Variants in CCDC68 observed in about 807,000 individuals in gnomAD.
CCDC68 encodes the protein coiled-coil domain containing 68.
A neutral mutation model predicts 47.1 loss-of-function variants in CCDC68; 45 were observed. The ratio of observed to expected loss-of-function variants is 0.96; its 90% CI spans 0.75 to 1.23. The LOEUF is 1.23. Among genes scored for constraint, CCDC68 ranks in the 50% most tolerant of loss-of-function variants. The pLI, the probability that CCDC68 is intolerant of heterozygous loss-of-function variation, is 0.00. For missense variants in CCDC68, 353 were observed against 373.6 expected (o/e 0.94, Z 0.45); for synonymous variants, 131 against 129.5 (o/e 1.01, Z -0.08).
chr18:54,911,847 G>T lies in CCDC68; in HGVS notation c.874-3985C>A, dbSNP rs117495618. 6.6e-3 allele frequency among the ~76,000 whole-genome samples: 1,002 copies of T among 152,264 alleles called. 3 individuals carry two copies. The highest frequency in any genetic ancestry group is 0.011 in the Non-Finnish European group (727 of 68,022). On this transcript the variant is annotated intron_variant, in intron 10 of 11. Transcript: ENST00000591504. Reference sequence around the variant, plus strand: ...TACCAAACAATACAAAAGCATAGGAGTTATTATGTTAGACTCTCTTCAATT... The same window carrying T: ...TACCAAACAATACAAAAGCATAGGATTTATTATGTTAGACTCTCTTCAATT...
intron 4 of CCDC68, among the ~76,000 whole-genome samples, chr18:54,939,688 G>A (rs925772634): frequency 2.0e-5 from 3 of 152,104 alleles, no homozygotes; most frequent in South Asian, 2.1e-4. Flanking sequence ...CATTCAGTCC[G>A]CAATTTCCTT....
intron 11 of CCDC68, among the ~76,000 whole-genome samples, chr18:54,904,642 G>A (rs1014016498): frequency 5.3e-5 from 8 of 152,180 alleles, no homozygotes; most frequent in African/African-American, 1.9e-4. Flanking sequence ...GATGTAACAG[G>A]ACAAGAATGA....
At chr18:54,940,906 C>A (rs908877722) in intron 4 of CCDC68, 91 bp downstream of exon 4, 16 of 834,610 alleles carry the variant, frequency 1.9e-5, no homozygotes, top group East Asian at 2.5e-5. Context: ...AACACTCATC[C>A]TTCGAATCTT....
intron 2 of CCDC68, 62 bp from the exon 3 acceptor site, chr18:54,942,865 T>G (rs1044529816): frequency 9.0e-6 from 8 of 893,744 alleles, no homozygotes; most frequent in Non-Finnish European, 3.7e-6. Flanking sequence ...ATTATATGGT[T>G]CATAAACTGA....
At position 54,941,449 on chromosome 18, in the gene CCDC68, ACTACTTAGTAAT is replaced by A. The variant is rs1380436298; in HGVS notation, c.118-378_118-367del. Among the ~76,000 whole-genome samples, 8 of 152,252 alleles carry A rather than the reference ACTACTTAGTAAT, an allele frequency of 5.3e-5. No homozygotes were observed. In the South Asian group the frequency reaches 1.2e-3, roughly 24 times the overall value. On this transcript the variant is annotated intron_variant, in intron 3 of 11. Coordinates refer to ENST00000591504, the MANE Select transcript of CCDC68 (RefSeq NM_025214.3). Reference sequence around the variant, plus strand: ...GTTTAGTAATTACTATAAAACAATTACTACTTAGTAATCACTACAAAATAATTACTACCTAGT... The same window carrying A: ...GTTTAGTAATTACTATAAAACAATTACACTACAAAATAATTACTACCTAGT...
intron 8 of CCDC68, among the ~76,000 whole-genome samples, chr18:54,926,412 G>A (rs997478860): frequency 1.5e-4 from 23 of 152,156 alleles, no homozygotes; most frequent in African/African-American, 4.8e-4. Context: ...CAGAACTTGT[G>A]AGAACTCATG....
At chr18:54,906,609 G>C (rs1233060857) in intron 11 of CCDC68, among the ~76,000 whole-genome samples, 1 of 152,154 alleles carries the variant, frequency 6.6e-6, no homozygotes, top group Non-Finnish European at 1.5e-5. Context: ...AGATGGAAGG[G>C]AGCAAAATAT....
chr18:54,946,660 A>G (rs530825612), intron 1 of CCDC68, among the ~76,000 whole-genome samples: 65 of 152,250 alleles, frequency 4.3e-4, no homozygotes, highest in Admixed American at 7.2e-4. Context: ...TCTCTTATGT[A>G]CCTTTTATTC....
At chr18:54,920,361 A>C (rs2044036728) in intron 8 of CCDC68, among the ~76,000 whole-genome samples, 1 of 151,496 alleles carries the variant, frequency 6.6e-6, no homozygotes, top group Non-Finnish European at 1.5e-5. Context: ...GGGCTCAAGA[A>C]ATTCTTGCAG....
At chr18:54,930,687 CCTCCCTCCCTCT>C (rs2044238226) in intron 7 of CCDC68, among the ~76,000 whole-genome samples, 1 of 87,248 alleles carries the variant, frequency 1.1e-5, no homozygotes, top group African/African-American at 4.7e-5. Context: ...TCCCTCCCTC[CCTCCCTCCCTCT>C]CTCTCTCTCT....
intron 10 of CCDC68, among the ~76,000 whole-genome samples, chr18:54,914,327 C>T (rs181164571): frequency 6.6e-6 from 1 of 152,216 alleles, no homozygotes; most frequent in East Asian, 1.9e-4. Flanking sequence ...TTAGAAAACA[C>T]TGGCTTGAGT....
chr18:54,909,560 G>T (rs973458006), intron 10 of CCDC68, among the ~76,000 whole-genome samples: 1 of 152,224 alleles, frequency 6.6e-6, no homozygotes, highest in Non-Finnish European at 1.5e-5. Flanking sequence ...AGCCTGGCAG[G>T]CTGTGAACTA....
chr18:54,936,409 T>G (rs547787453), intron 6 of CCDC68, among the ~76,000 whole-genome samples: 93 of 151,956 alleles, frequency 6.1e-4, no homozygotes, highest in African/African-American at 2.1e-3. Flanking sequence ...CAAAACAATT[T>G]TGAAAGCATG....
chr18:54,933,374 C>T (rs1038678289), intron 7 of CCDC68, among the ~76,000 whole-genome samples: 2 of 152,174 alleles, frequency 1.3e-5, no homozygotes, highest in African/African-American at 4.8e-5. Context: ...AACCACCATG[C>T]CCAGCCTGTT....
chr18:54,934,969 G>T (rs770339903), intron 6 of CCDC68, 21 bp from the exon 7 acceptor site: 1 of 1,547,240 alleles, frequency 6.5e-7, no homozygotes, highest in Admixed American at 2.0e-5. Flanking sequence ...AGAATCAGTT[G>T]TGTTGTGAAA....
At chr18:54,911,601 T>A (rs534974484) in intron 10 of CCDC68, among the ~76,000 whole-genome samples, 12 of 152,200 alleles carry the variant, frequency 7.9e-5, no homozygotes, top group African/African-American at 2.9e-4. Flanking sequence ...TGAATATAAA[T>A]CTATTATACA....
intron 1 of CCDC68, among the ~76,000 whole-genome samples, chr18:54,945,723 C>T (rs1439658664): frequency 3.3e-5 from 5 of 152,142 alleles, no homozygotes; most frequent in Non-Finnish European, 5.9e-5. Context: ...TATTTGTTTC[C>T]GCTGAAGTTG....
At chr18:54,958,079 A>G (rs147124742) in intron 1 of CCDC68, 3 of 152,388 alleles carry the variant, frequency 2.0e-5, no homozygotes, top group African/African-American at 7.2e-5. Flanking sequence ...CTTTCTAGTT[A>G]GGACAAGGGA....
At chr18:54,912,853 G>A (rs979335064) in intron 10 of CCDC68, among the ~76,000 whole-genome samples, 1 of 152,120 alleles carries the variant, frequency 6.6e-6, no homozygotes, top group Non-Finnish European at 1.5e-5. Context: ...AGAACCAAGC[G>A]AAAGGGGTTT....
Sources: gnomAD v4.1 joint callset for allele counts (sites outside exome capture counted in the v4.1 genomes callset) on GRCh38, gnomAD v4.1.1 for gene constraint, MANE v1.5 for transcripts, NCBI Gene and HGNC (gene_info 2026-07-23, HGNC 2026-07-21) for gene names.